AGBL4: variants seen among roughly 807,000 people sequenced by gnomAD.
The protein encoded by AGBL4 is AGBL carboxypeptidase 4.
A neutral mutation model predicts 66.4 loss-of-function variants in AGBL4; 58 were observed. The ratio of observed to expected loss-of-function variants is 0.87; its 90% CI spans 0.71 to 1.09. The LOEUF (loss-of-function observed/expected upper bound fraction) is 1.09. AGBL4 is among the 50% of genes least tolerant of loss of function. The probability of loss-of-function intolerance (pLI) is 0.00; values close to 1 mark genes in which losing one functional copy is unlikely to be tolerated. For synonymous variants in AGBL4, 234 were observed against 222.9 expected (o/e 1.05, Z -0.44); for missense variants, 579 against 631.0 (o/e 0.92, Z 0.88).
chr1:49,851,496 A>C lies in AGBL4; in HGVS notation c.57T>G (p.Asp19Glu). The C allele has an allele frequency of 3.2e-6, 5 of 1,549,890 alleles. No homozygotes were observed. The highest frequency in any genetic ancestry group is 4.4e-6 in the Non-Finnish European group (5 of 1,145,926). The stretch of plus-strand genomic sequence containing the variant: ...ATTTGCTCACATTCCCTCCAATGGC[A>C]TCATCATTTCCCATATCATTGCCTA... ...PEAGNDMGND[D>E]AIGGNVSKYI... is the part of the protein sequence containing the mutation. Residue 19 changes from aspartate (D) to glutamate (E), a missense_variant, in exon 2 of 14, where the codon GAT becomes GAG. By Grantham distance (45) the Asp-to-Glu change is conservative. Coordinates refer to ENST00000371839, the MANE Select transcript of AGBL4 (RefSeq NM_032785.4).
Position 48,744,266 on chromosome 1 carries a change from T to A in AGBL4, c.635-81025A>T, listed in dbSNP as rs140669929. ...GAGTAGGCACTCTCTAAATGTTTGC[T>A]AAGTAAATAAAACAATGACAACAAT... On this transcript the variant is annotated intron_variant, in intron 6 of 13. Transcript: ENST00000371839. Among the ~76,000 whole-genome samples the A allele has an allele frequency of 3.3e-3, 498 of 152,352 alleles. 2 individuals carry two copies. The highest frequency in any genetic ancestry group is 0.011 in the African/African-American group (463 of 41,580).
At chr1:49,379,557 A>G (rs1644548048) in intron 3 of AGBL4, among the ~76,000 whole-genome samples, 2 of 152,124 alleles carry the variant, frequency 1.3e-5, no homozygotes, top group Admixed American at 1.3e-4. Flanking sequence ...TGTCCCATCA[A>G]TACCTAATTT....
intron 1 of AGBL4, among the ~76,000 whole-genome samples, chr1:49,947,876 A>G (rs529397163): frequency 7.1e-6 from 1 of 141,238 alleles, no homozygotes; most frequent in Non-Finnish European, 1.5e-5. Context: ...TACACAAATC[A>G]GCAGCTCTTC....
At chr1:49,346,608 G>C (rs1033510932) in intron 3 of AGBL4, among the ~76,000 whole-genome samples, 2 of 152,124 alleles carry the variant, frequency 1.3e-5, no homozygotes, top group Admixed American at 1.3e-4. Context: ...TTCACCTTTT[G>C]TTGGGATTCA....
intron 3 of AGBL4, among the ~76,000 whole-genome samples, chr1:49,545,631 C>T (rs1652412980): frequency 6.6e-6 from 1 of 152,122 alleles, no homozygotes; most frequent in Non-Finnish European, 1.5e-5. Flanking sequence ...ACACATATAT[C>T]TATGGTATAT....
intron 1 of AGBL4, among the ~76,000 whole-genome samples, chr1:49,884,596 A>G (rs1647813852): frequency 6.6e-6 from 1 of 151,802 alleles, no homozygotes; most frequent in South Asian, 2.1e-4. Context: ...ACACCCTTAT[A>G]TAGTATGCAA....
intron 3 of AGBL4, among the ~76,000 whole-genome samples, chr1:49,359,858 C>A (rs1644100628): frequency 6.6e-6 from 1 of 152,108 alleles, no homozygotes; most frequent in African/African-American, 2.4e-5. Context: ...AACCAACTAT[C>A]CTGGTTCGCC....
intron 3 of AGBL4, among the ~76,000 whole-genome samples, chr1:49,626,296 A>G (rs1645461341): frequency 6.6e-6 from 1 of 152,130 alleles, no homozygotes; most frequent in African/African-American, 2.4e-5. Flanking sequence ...GGCATATAAT[A>G]CAATCAGCAG....
rs546600651 is a variant in AGBL4 at position 49,833,708 on chromosome 1, C to T, written c.157+17688G>A. The stretch of plus-strand genomic sequence containing the variant: ...TAGTTCTCCTTGAAGAGGTCCTTCA[C>T]GTCCGTTGTAAGTTGGATTCCTAGG... On this transcript the variant is annotated intron_variant, in intron 2 of 13. Coordinates refer to ENST00000371839, the MANE Select transcript of AGBL4 (RefSeq NM_032785.4). Among the ~76,000 whole-genome samples, 30 of 152,286 alleles carry T rather than the reference C, an allele frequency of 2.0e-4. 1 individual carries two copies. In the South Asian group the frequency reaches 5.4e-3, roughly 27 times the overall value.
chr1:48,761,445 ACT>A, intron 6 of AGBL4: 1 of 1,551,190 alleles, frequency 6.4e-7, no homozygotes, highest in East Asian at 2.4e-5. Context: ...TCTGCATCAC[ACT>A]GTTTTCAAGG....
At chr1:48,837,874 GATTTT>G (rs1374426668) in intron 6 of AGBL4, among the ~76,000 whole-genome samples, 6 of 151,392 alleles carry the variant, frequency 4.0e-5, no homozygotes, top group Non-Finnish European at 8.8e-5. Context: ...AAGGATTTTG[GATTTT>G]ATTTTAAGTG....
chr1:49,341,934 A>T (rs1033426501), intron 3 of AGBL4, among the ~76,000 whole-genome samples: 1 of 151,348 alleles, frequency 6.6e-6, no homozygotes. Flanking sequence ...CCTAATCCTT[A>T]CTTGTTTGGG....
chr1:48,622,209 C>T (rs551352063), intron 9 of AGBL4, among the ~76,000 whole-genome samples: 2 of 152,264 alleles, frequency 1.3e-5, no homozygotes, highest in Admixed American at 6.5e-5. Flanking sequence ...ATGCTGCTTC[C>T]CCTGCTGTAA....
chr1:49,647,780 A>G (rs543457083), intron 3 of AGBL4, among the ~76,000 whole-genome samples: 57 of 150,802 alleles, frequency 3.8e-4, no homozygotes, highest in African/African-American at 1.3e-3. Flanking sequence ...CCCACTCTAG[A>G]CCTTCTTCCT....
At chr1:49,197,558 CG>C (rs1647329201) in intron 4 of AGBL4, among the ~76,000 whole-genome samples, 1 of 152,104 alleles carries the variant, frequency 6.6e-6, no homozygotes, top group African/African-American at 2.4e-5. Flanking sequence ...CCGGCCTGGG[CG>C]GGAACAGGTA....
chr1:48,846,370 A>AAAG (rs1646912621), intron 6 of AGBL4, among the ~76,000 whole-genome samples: 1 of 112,244 alleles, frequency 8.9e-6, no homozygotes, highest in Non-Finnish European at 1.7e-5. Context: ...AAGAAGAAAG[A>AAAG]AAGAAAGAAA....
intron 13 of AGBL4, among the ~76,000 whole-genome samples, chr1:48,534,641 G>A (rs759067124): frequency 5.9e-5 from 9 of 152,086 alleles, no homozygotes; most frequent in Non-Finnish European, 1.2e-4. Context: ...TCTGACCTTG[G>A]TACACCCATT....
chr1:48,659,782 C>T (rs1646078037), intron 7 of AGBL4, among the ~76,000 whole-genome samples: 1 of 152,198 alleles, frequency 6.6e-6, no homozygotes, highest in African/African-American at 2.4e-5. Context: ...TCATGGAGGC[C>T]CTGGCACCGG....
intron 11 of AGBL4, among the ~76,000 whole-genome samples, chr1:48,542,631 A>C (rs1193381885): frequency 6.6e-6 from 1 of 152,180 alleles, no homozygotes; most frequent in East Asian, 1.9e-4. Flanking sequence ...TCAGCTGCAT[A>C]AATTTCTTCT....
Sources: allele counts gnomAD v4.1 joint callset (sites outside exome capture counted in the v4.1 genomes callset), GRCh38; gene constraint gnomAD v4.1.1; transcripts MANE v1.5; gene names NCBI Gene and HGNC (gene_info 2026-07-23, HGNC 2026-07-21).